The following TMEM255B variants were observed in gnomAD, a reference collection of about 807,000 sequenced individuals.
TMEM255B encodes the protein transmembrane protein 255B.
Under a neutral mutation model 34.5 loss-of-function variants are expected in TMEM255B, and 35 were observed. The ratio of observed to expected loss-of-function variants is 1.01; its 90% CI spans 0.77 to 1.34. The LOEUF is 1.34. TMEM255B is among the 40% of genes most tolerant of loss of function. The pLI, the probability that TMEM255B is intolerant of heterozygous loss-of-function variation, is 0.00. For synonymous variants in TMEM255B, 206 were observed against 201.2 expected, an observed-to-expected ratio of 1.02 and a Z score of -0.20; for missense variants, 432 against 433.2, an observed-to-expected ratio of 1.00 and a Z score of 0.02.
intron 3 of TMEM255B, among the ~76,000 whole-genome samples, chr13:113,790,136 G>A (rs375804705): frequency 0.33 from 36,353 of 109,686 alleles, 8,703 homozygotes; most frequent in East Asian, 0.67. Context: ...CCTAGTGCTG[G>A]ACTGACCGGG....
intron 7 of TMEM255B, among the ~76,000 whole-genome samples, 155 bp downstream of exon 7, chr13:113,801,967 G>A (rs532598736): frequency 5.3e-4 from 81 of 152,296 alleles, no homozygotes; most frequent in African/African-American, 1.7e-3. Flanking sequence ...GACAGCTGGC[G>A]TGCACCGACT....
At position 113,807,445 on chromosome 13, in the gene TMEM255B, A is replaced by G. The variant is rs376824380; in HGVS notation, c.813+2417A>G. ...GGGGGTGGTCCTCCCCGTCACACGCAGGCTTACGGGATGTGGGGGTGGTCC... is the reference window on the plus strand; with the variant it reads ...GGGGGTGGTCCTCCCCGTCACACGCGGGCTTACGGGATGTGGGGGTGGTCC... On this transcript the variant is annotated intron_variant, in intron 8 of 8. Coordinates refer to ENST00000375353, the MANE Select transcript of TMEM255B (RefSeq NM_182614.4). Among the ~76,000 whole-genome samples, 515 of 74,568 alleles carry G rather than the reference A, an allele frequency of 6.9e-3. 3 individuals carry two copies. Among genetic ancestry groups the G allele is most frequent in the East Asian group, 0.016 (34 of 2,124 alleles). 48.9% of individuals were successfully genotyped at this position (74,568 alleles called of 152,430 possible). A position where few individuals can be genotyped will look rare whatever the true frequency, so the allele number is the denominator to read the frequency against.
chr13:113,775,259 G>A (rs1002917052), intron 3 of TMEM255B, among the ~76,000 whole-genome samples: 1 of 152,138 alleles, frequency 6.6e-6, no homozygotes, highest in Non-Finnish European at 1.5e-5. Context: ...GAAGTCTTTG[G>A]TCTGGACTGA....
intron 4 of TMEM255B, among the ~76,000 whole-genome samples, chr13:113,796,900 AAC>A (rs141394125): frequency 0.066 from 9,928 of 151,114 alleles, 1,091 homozygotes; most frequent in African/African-American, 0.23. Flanking sequence ...ACATTCACAA[AAC>A]ACACGTGCGT....
chr13:113,774,123 C>T (rs780783469), intron 3 of TMEM255B, among the ~76,000 whole-genome samples: 66 of 151,962 alleles, frequency 4.3e-4, no homozygotes, highest in Non-Finnish European at 5.3e-4. Flanking sequence ...GTTCACCCCC[C>T]GCCTGCTTCT....
intron 3 of TMEM255B, among the ~76,000 whole-genome samples, chr13:113,782,612 G>A (rs943898331): frequency 6.6e-5 from 10 of 151,982 alleles, no homozygotes; most frequent in African/African-American, 1.4e-4. Flanking sequence ...CGCAGGATCC[G>A]GGCACCCTCA....
In TMEM255B at chr13:113,804,295, G is replaced by A. The variant is rs1337149323; in HGVS notation, c.670-590G>A. Among the ~76,000 whole-genome samples, 5 of 152,182 alleles carry A rather than the reference G, an allele frequency of 3.3e-5. 1 individual carries two copies. Among genetic ancestry groups the A allele is most frequent in the Admixed American group, 6.5e-5 (1 of 15,286 alleles). ...AGCTCAGGAGACTTTGGTTTTGTTC[G>A]CATTCCCCAGAAACCCCACGCTGGT... On this transcript the variant is annotated intron_variant, in intron 7 of 8. Coordinates refer to ENST00000375353, the MANE Select transcript of TMEM255B (RefSeq NM_182614.4).
chr13:113,763,136 C>T (rs2050334740), intron 1 of TMEM255B, among the ~76,000 whole-genome samples: 1 of 152,174 alleles, frequency 6.6e-6, no homozygotes. Context: ...TGAGGGTGAC[C>T]TGGAGCCTCT....
chr13:113,810,861 C>T (rs754194580), intron 8 of TMEM255B, among the ~76,000 whole-genome samples: 8 of 152,308 alleles, frequency 5.3e-5, no homozygotes, highest in South Asian at 4.1e-4. Flanking sequence ...CGCTGCTGGA[C>T]GTGTGGACGT....
intron 3 of TMEM255B, among the ~76,000 whole-genome samples, chr13:113,787,574 G>C (rs1324238389): frequency 1.3e-5 from 2 of 152,190 alleles, no homozygotes; most frequent in African/African-American, 4.8e-5. Flanking sequence ...GAGTTTTGTG[G>C]TTCTGGGACA....
intron 5 of TMEM255B, 26 bp from the exon 6 acceptor site, chr13:113,800,801 G>T: frequency 6.3e-7 from 1 of 1,588,872 alleles, no homozygotes; most frequent in South Asian, 1.1e-5. Context: ...ACCGGCATGT[G>T]ACCTGACAAG....
At chr13:113,789,536 C>G (rs190639545) in intron 3 of TMEM255B, among the ~76,000 whole-genome samples, 17 of 152,328 alleles carry the variant, frequency 1.1e-4, no homozygotes, top group Admixed American at 1.0e-3. Context: ...AGGCAGCTCT[C>G]GTGAGGCTGG....
intron 3 of TMEM255B, among the ~76,000 whole-genome samples, chr13:113,788,484 G>T (rs1390366007): frequency 1.3e-5 from 2 of 152,010 alleles, no homozygotes; most frequent in African/African-American, 4.8e-5. Flanking sequence ...TGCGTGGCCT[G>T]GCACTGGCGC....
intron 3 of TMEM255B, among the ~76,000 whole-genome samples, chr13:113,772,461 GT>G (rs1856434881): frequency 6.6e-6 from 1 of 152,190 alleles, no homozygotes. Flanking sequence ...GAGTTTTGTA[GT>G]TTTAACTCTT....
chr13:113,812,959 A>ACAGGATAGGTCT lies in TMEM255B; in HGVS notation c.*1057_*1058insAGGATAGGTCTC, dbSNP rs1566342113. On this transcript the variant is annotated 3_prime_UTR_variant, in exon 9 of 9. Transcript: ENST00000375353. ...GTGGGTCACGGGTCCCGGGTGGGTCACGGGCCCCGGGTGGGTCACGGGTCC... is the reference window on the plus strand; with the variant it reads ...GTGGGTCACGGGTCCCGGGTGGGTCACAGGATAGGTCTCGGGCCCCGGGTGGGTCACGGGTCC... 1 of 146,022 alleles carries ACAGGATAGGTCT rather than the reference A, an allele frequency of 6.8e-6. No individual in the cohort carries two copies. Among genetic ancestry groups the ACAGGATAGGTCT allele is most frequent in the Admixed American group, 6.9e-5 (1 of 14,538 alleles). 9.0% of individuals were successfully genotyped at this position (146,022 alleles called of 1,614,324 possible).
At chr13:113,800,986 C>T in intron 6 of TMEM255B, 74 bp downstream of exon 6, 1 of 1,338,526 alleles carries the variant, frequency 7.5e-7, no homozygotes, top group Non-Finnish European at 1.0e-6. Context: ...GTATCTACAC[C>T]TGCGGGAGGT....
Position 113,811,769 on chromosome 13 carries a change from GC to G in TMEM255B, c.850del (p.Leu284TrpfsTer49), listed in dbSNP as rs1566339166. Reference sequence around the variant, plus strand: ...CCGCTTCCCAGTTGCGCCCTCCTCTGCCCTGGCTTCGTCTGAGGACCTGCAG... The same window carrying G: ...CCGCTTCCCAGTTGCGCCCTCCTCTGCCTGGCTTCGTCTGAGGACCTGCAG... ...CSRFPVAPSS[A>X]LASSEDLQPP... On this transcript the variant is annotated frameshift_variant, in exon 9 of 9. Coordinates refer to ENST00000375353, the MANE Select transcript of TMEM255B (RefSeq NM_182614.4). LOFTEE classifies it low-confidence loss of function (END_TRUNC). 4 of 1,613,884 alleles carry G rather than the reference GC, an allele frequency of 2.5e-6. No individual in the cohort carries two copies. In the Admixed American group the frequency reaches 5.0e-5, roughly 20 times the overall value.
chr13:113,759,433 G>GTCTGGTCCCTCCGCCTCCTTCGAGC (rs2050256464), intron 1 of TMEM255B, 118 bp downstream of exon 1: 2 of 940,314 alleles, frequency 2.1e-6, no homozygotes, highest in Non-Finnish European at 2.8e-6. Context: ...GCGGCACGGG[G>GTCTGGTCCCTCCGCCTCCTTCGAGC]TCTGGTCCCT....
intron 3 of TMEM255B, among the ~76,000 whole-genome samples, chr13:113,793,457 G>GCAGGGACCGTGCCA (rs1174626863): frequency 6.6e-6 from 1 of 150,588 alleles, no homozygotes; most frequent in Non-Finnish European, 1.5e-5. Context: ...GGACCGTGCC[G>GCAGGGACCGTGCCA]GTCTGGGACC....
Sources: gnomAD v4.1 joint callset for allele counts (sites outside exome capture counted in the v4.1 genomes callset) on GRCh38, gnomAD v4.1.1 for gene constraint, MANE v1.5 for transcripts, NCBI Gene and HGNC (gene_info 2026-07-23, HGNC 2026-07-21) for gene names.